Variants in PRPH2 observed in about 807,000 individuals in gnomAD.
PRPH2 encodes peripherin 2.
In PRPH2, 17 loss-of-function variants were observed where a neutral mutation model predicts 31.3. The observed-to-expected ratio is 0.54, with a 90% CI of 0.37 to 0.81. The LOEUF (loss-of-function observed/expected upper bound fraction) is 0.81, where lower values mean the gene tolerates loss of function less well. Among genes scored for constraint, PRPH2 ranks in the 40% least tolerant of loss-of-function variants. The probability of loss-of-function intolerance (pLI) is 0.00; values close to 1 mark genes in which losing one functional copy is unlikely to be tolerated. For missense variants in PRPH2, 430 were observed against 439.7 expected (o/e 0.98, Z 0.20); for synonymous variants, 165 against 184.4 (o/e 0.89, Z 0.85).
chr6:42,713,705 G>A (rs1390533274), intron 1 of PRPH2, among the ~76,000 whole-genome samples: 1 of 151,880 alleles, frequency 6.6e-6, no homozygotes, highest in Non-Finnish European at 1.5e-5. Context: ...AAGATCACCT[G>A]AGGTCAGGAA....
intron 1 of PRPH2, among the ~76,000 whole-genome samples, chr6:42,716,395 A>AT (rs201231118): frequency 0.57 from 83,727 of 146,634 alleles, 23,478 homozygotes; most frequent in Middle Eastern, 0.62. Context: ...CCCTATCTCT[A>AT]TTTTTTTTTT....
At chr6:42,710,526 T>A (rs962636615) in intron 1 of PRPH2, among the ~76,000 whole-genome samples, 1 of 152,294 alleles carries the variant, frequency 6.6e-6, no homozygotes, top group African/African-American at 2.4e-5. Context: ...AAGGCTCCTC[T>A]CACCCTCTTA....
At chr6:42,709,349 A>AC (rs57333654) in intron 1 of PRPH2, among the ~76,000 whole-genome samples, 4 of 147,662 alleles carry the variant, frequency 2.7e-5, no homozygotes, top group Non-Finnish European at 6.0e-5. Flanking sequence ...AAAAAAAAAA[A>AC]AAAAAACTTG....
intron 2 of PRPH2, among the ~76,000 whole-genome samples, chr6:42,699,734 A>G (rs1020371377): frequency 2.0e-5 from 3 of 152,112 alleles, no homozygotes; most frequent in African/African-American, 7.2e-5. Context: ...TAAAAATAAA[A>G]ATAAAAATAA....
rs373560002 is a variant in PRPH2, at chr6:42,698,424, C to T, written c.912G>A (p.Gln304=). Residue 304 remains glutamine, a synonymous_variant, in exon 3 of 3, where the codon CAG becomes CAA. Transcript: ENST00000230381. The part of the protein sequence containing the change: ...SNPEESESES[Q]GWLLERSVPE... ...GCACGCTCCTCTCCAGCAGCCAGCC[C>T]TGGCTCTCGCTCTCAGATTCCTCGG... The T allele has an allele frequency of 1.9e-6, 3 of 1,611,988 alleles. No homozygotes were observed. The African/African-American group carries it at 4.0e-5, about 22-fold the overall frequency.
Position 42,716,238 on chromosome 6 carries a change from A to G in PRPH2, c.581+5516T>C, listed in dbSNP as rs532738982. On this transcript the variant is annotated intron_variant, in intron 1 of 2. Coordinates refer to ENST00000230381, the MANE Select transcript of PRPH2 (RefSeq NM_000322.5). ...CCGAACCTCTTTGTTGGCTCATCCA[A>G]ATTTGATGGGGAGAGGGGAAACAAA... is the stretch of plus-strand genomic sequence containing the variant. Among the ~76,000 whole-genome samples, 17 of 151,974 alleles carry G rather than the reference A, an allele frequency of 1.1e-4. No homozygotes were observed. In the South Asian group the frequency reaches 3.5e-3, roughly 32 times the overall value.
rs556301969 is a variant in PRPH2 at position 42,719,310 on chromosome 6, G to A, written c.581+2444C>T. Among the ~76,000 whole-genome samples, 10 of 151,938 alleles carry A rather than the reference G, an allele frequency of 6.6e-5. No homozygotes were observed. The East Asian group carries it at 9.7e-4, about 15-fold the overall frequency. Reference sequence around the variant, plus strand: ...TCCTGCCTCAGCCTCCCGAGTAGCTGAGATTACAGGCATGCCACCACACCC... The same window carrying A: ...TCCTGCCTCAGCCTCCCGAGTAGCTAAGATTACAGGCATGCCACCACACCC... On this transcript the variant is annotated intron_variant, in intron 1 of 2. Transcript: ENST00000230381.
intron 2 of PRPH2, among the ~76,000 whole-genome samples, chr6:42,700,232 C>G (rs1388143478): frequency 1.3e-5 from 2 of 152,344 alleles, no homozygotes; most frequent in African/African-American, 4.8e-5. Flanking sequence ...TCCCAAAGTG[C>G]TGGGATTACA....
chr6:42,716,962 CTTTTTT>C lies in PRPH2; in HGVS notation c.581+4786_581+4791del, dbSNP rs1161769235. Among the ~76,000 whole-genome samples, 344 of 45,202 alleles carry C rather than the reference CTTTTTT, an allele frequency of 7.6e-3. 3 individuals carry two copies. Among genetic ancestry groups the C allele is most frequent in the African/African-American group, 0.03 (310 of 10,440 alleles). 29.7% of individuals were successfully genotyped at this position (45,202 alleles called of 152,430 possible). A position where few individuals can be genotyped will look rare whatever the true frequency, so the allele number is the denominator to read the frequency against. ...TTCTTTTCTTTTCTTTCTTTCTTTTCTTTTTTTTTTTTTTTTTTTTTTTTGGTAGAG... is the reference window on the plus strand; with the variant it reads ...TTCTTTTCTTTTCTTTCTTTCTTTTCTTTTTTTTTTTTTTTTTTGGTAGAG... On this transcript the variant is annotated intron_variant, in intron 1 of 2. Coordinates refer to ENST00000230381, the MANE Select transcript of PRPH2 (RefSeq NM_000322.5).
At chr6:42,699,566 G>A (rs916940687) in intron 2 of PRPH2, among the ~76,000 whole-genome samples, 1 of 152,056 alleles carries the variant, frequency 6.6e-6, no homozygotes, top group South Asian at 2.1e-4. Flanking sequence ...CACCCCGTGT[G>A]GATACTGTGC....
rs1180159624 is a variant in PRPH2, at chr6:42,722,508, G to A, written c.-174C>T. On this transcript the variant is annotated 5_prime_UTR_variant, in exon 1 of 3. Transcript: ENST00000230381. This position sits in a 1 kb window ranked among gnomAD's most constrained non-coding sequence, Gnocchi z 4.4. ...CCACTAGCCTGGGATCCCCGTGAATGCAGTAGTGGTGGCAGGGGTCTCGGA... is the reference window on the plus strand; with the variant it reads ...CCACTAGCCTGGGATCCCCGTGAATACAGTAGTGGTGGCAGGGGTCTCGGA... 1.3e-6 allele frequency: 2 copies of A among 1,485,228 alleles called. No homozygotes were observed. Among genetic ancestry groups the A allele is most frequent in the South Asian group, 1.3e-5 (1 of 75,838 alleles). The allele number at this position is 1,485,228 out of a possible 1,614,324, so 92.0% of individuals were successfully genotyped here. A position where few individuals can be genotyped will look rare whatever the true frequency, so the allele number is the denominator to read the frequency against.
At position 42,697,160 on chromosome 6, in the gene PRPH2, T is replaced by C. The variant is rs1799957370; in HGVS notation, c.*1135A>G. On this transcript the variant is annotated 3_prime_UTR_variant, in exon 3 of 3. Transcript: ENST00000230381. ...GGAAGTCAGCAAAATCATTCTCTCCTTCCCCTGAAAGCTTCTCTTTCCTAA... is the reference window on the plus strand; with the variant it reads ...GGAAGTCAGCAAAATCATTCTCTCCCTCCCCTGAAAGCTTCTCTTTCCTAA... The C allele has an allele frequency of 6.6e-6, 1 of 152,118 alleles. No homozygotes were observed. Among genetic ancestry groups the C allele is most frequent in the African/African-American group, 2.4e-5 (1 of 41,420 alleles). 9.4% of individuals were successfully genotyped at this position (152,118 alleles called of 1,614,324 possible).
At chr6:42,708,362 G>A (rs779377844) in intron 1 of PRPH2, among the ~76,000 whole-genome samples, 2 of 152,236 alleles carry the variant, frequency 1.3e-5, no homozygotes, top group Admixed American at 6.5e-5. Flanking sequence ...CGTGGGGAAG[G>A]CAGAAACTGT....
intron 1 of PRPH2, among the ~76,000 whole-genome samples, chr6:42,718,494 A>T (rs781550088): frequency 6.6e-6 from 1 of 152,066 alleles, no homozygotes; most frequent in Non-Finnish European, 1.5e-5. Flanking sequence ...AATTAATTAA[A>T]TAAAAATAAA....
rs545980488 is a variant in PRPH2 at position 42,702,806 on chromosome 6, C to T, written c.828+1559G>A. 1.2e-4 allele frequency among the ~76,000 whole-genome samples: 18 copies of T among 151,744 alleles called. No individual in the cohort carries two copies. The South Asian group carries it at 1.9e-3, about 16-fold the overall frequency. Reference sequence around the variant, plus strand: ...AATTGCTTGAACCTGGGAGGTGGAGCTTGCAGTGAGCTGAGATCGTGCCAT... The same window carrying T: ...AATTGCTTGAACCTGGGAGGTGGAGTTTGCAGTGAGCTGAGATCGTGCCAT... On this transcript the variant is annotated intron_variant, in intron 2 of 2. Transcript: ENST00000230381.
intron 1 of PRPH2, among the ~76,000 whole-genome samples, chr6:42,716,808 CAG>C (rs746772604): frequency 6.6e-6 from 1 of 150,522 alleles, no homozygotes; most frequent in Non-Finnish European, 1.5e-5. Context: ...TCAGTAGAGA[CAG>C]AGTTTCACCA....
Position 42,722,344 on chromosome 6 carries a change from G to A in PRPH2, c.-10C>T. 1.9e-6 allele frequency: 3 copies of A among 1,613,064 alleles called. No homozygotes were observed. Among genetic ancestry groups the A allele is most frequent in the East Asian group, 2.2e-5 (1 of 44,888 alleles). On this transcript the variant is annotated 5_prime_UTR_variant, in exon 1 of 3. Transcript: ENST00000230381. This position sits in a 1 kb window ranked among gnomAD's most constrained non-coding sequence, Gnocchi z 4.4. ...CTTTCAGTAGCGCCATGCTTGCCAA[G>A]TGTAGTCCGGGTTGCTTCCCACAGC...
At chr6:42,706,148 G>A (rs1800159756) in intron 1 of PRPH2, among the ~76,000 whole-genome samples, 4 of 151,824 alleles carry the variant, frequency 2.6e-5, no homozygotes, top group Non-Finnish European at 5.9e-5. Flanking sequence ...GCTCAAGCCT[G>A]TAATCCCAGC....
At position 42,722,351 on chromosome 6, in the gene PRPH2, C is replaced by G; in HGVS notation, c.-17G>C. On this transcript the variant is annotated 5_prime_UTR_variant, in exon 1 of 3. Coordinates refer to ENST00000230381, the MANE Select transcript of PRPH2 (RefSeq NM_000322.5). The surrounding 1 kb of genome is among the most constrained non-coding windows in gnomAD (Gnocchi z 4.4). ...TAGCGCCATGCTTGCCAAGTGTAGTCCGGGTTGCTTCCCACAGCACAGCTC... is the reference window on the plus strand; with the variant it reads ...TAGCGCCATGCTTGCCAAGTGTAGTGCGGGTTGCTTCCCACAGCACAGCTC... 1.2e-6 allele frequency: 2 copies of G among 1,612,442 alleles called. No homozygotes were observed. The highest frequency in any genetic ancestry group is 1.7e-6 in the Non-Finnish European group (2 of 1,180,004).
Sources: allele counts gnomAD v4.1 joint callset (sites outside exome capture counted in the v4.1 genomes callset), GRCh38; gene constraint gnomAD v4.1.1; non-coding constraint Gnocchi (gnomAD v3.1); transcripts MANE v1.5; gene names NCBI Gene and HGNC (gene_info 2026-07-23, HGNC 2026-07-21).